GPC5: variants seen among roughly 807,000 people sequenced by gnomAD.
The protein encoded by GPC5 is glypican 5.
A neutral mutation model predicts 53.9 loss-of-function variants in GPC5; 47 were observed. The ratio of observed to expected loss-of-function variants is 0.87; its 90% CI spans 0.69 to 1.11. The LOEUF is 1.11. GPC5 is among the 50% of genes most tolerant of loss of function. GPC5 has a pLI of 0.00. For synonymous variants in GPC5, 286 were observed against 263.3 expected (o/e 1.09, Z -0.84); for missense variants, 748 against 713.1 (o/e 1.05, Z -0.56).
chr13:91,765,210 C>T (rs1264748533), intron 5 of GPC5, among the ~76,000 whole-genome samples: 3 of 152,248 alleles, frequency 2.0e-5, no homozygotes, highest in African/African-American at 7.2e-5. Flanking sequence ...GTCCTTCCAG[C>T]TCCAAGGATC....
At chr13:91,979,506 C>T (rs184463575) in intron 6 of GPC5, among the ~76,000 whole-genome samples, 9 of 152,266 alleles carry the variant, frequency 5.9e-5, no homozygotes, top group East Asian at 1.9e-4. Context: ...TGGGCTATAT[C>T]GACCTTTGAT....
chr13:92,851,251 T>C (rs1019408534), intron 7 of GPC5, among the ~76,000 whole-genome samples: 1 of 152,092 alleles, frequency 6.6e-6, no homozygotes, highest in African/African-American at 2.4e-5. Context: ...CTATTTGACA[T>C]GAGATTTGGA....
intron 2 of GPC5, among the ~76,000 whole-genome samples, chr13:91,602,194 C>T (rs116837504): frequency 1.8e-3 from 274 of 152,298 alleles, no homozygotes; most frequent in African/African-American, 6.2e-3. Context: ...CCGGGCTTTG[C>T]GAGCACCTGA....
At chr13:92,347,252 A>G (rs963688195) in intron 7 of GPC5, among the ~76,000 whole-genome samples, 1 of 152,190 alleles carries the variant, frequency 6.6e-6, no homozygotes, top group Non-Finnish European at 1.5e-5. Context: ...CATAATAATC[A>G]AACTACCAAA....
intron 2 of GPC5, among the ~76,000 whole-genome samples, chr13:91,598,153 A>G (rs1464355259): frequency 1.3e-5 from 2 of 152,142 alleles, no homozygotes; most frequent in Admixed American, 1.3e-4. Context: ...CCTTTAGAAA[A>G]TTCAAAACTT....
chr13:92,780,874 A>AC (rs1876000412), intron 7 of GPC5, among the ~76,000 whole-genome samples: 3 of 152,202 alleles, frequency 2.0e-5, no homozygotes, highest in South Asian at 4.1e-4. Flanking sequence ...TGGAAGCATA[A>AC]AAAATTCCCT....
chr13:92,358,017 A>G (rs1260654084), intron 7 of GPC5, among the ~76,000 whole-genome samples: 6 of 151,736 alleles, frequency 4.0e-5, no homozygotes, highest in Non-Finnish European at 5.9e-5. Flanking sequence ...TCAAAAGTCC[A>G]CAGTCCAGAG....
intron 7 of GPC5, among the ~76,000 whole-genome samples, chr13:92,282,099 T>C (rs564288821): frequency 1.3e-5 from 2 of 152,124 alleles, no homozygotes; most frequent in Non-Finnish European, 2.9e-5. Flanking sequence ...ATGTGACGAA[T>C]GCACAAGCTT....
At chr13:92,563,249 G>T (rs1882752165) in intron 7 of GPC5, among the ~76,000 whole-genome samples, 1 of 151,804 alleles carries the variant, frequency 6.6e-6, no homozygotes, top group African/African-American at 2.4e-5. Context: ...AATAAAATAG[G>T]ATATCGTGAT....
intron 7 of GPC5, among the ~76,000 whole-genome samples, chr13:92,297,268 A>G (rs994712023): frequency 6.6e-6 from 1 of 152,070 alleles, no homozygotes; most frequent in African/African-American, 2.4e-5. Context: ...GAGGACGTGG[A>G]GAACCTTTAT....
intron 7 of GPC5, among the ~76,000 whole-genome samples, chr13:92,745,369 T>C (rs1006563010): frequency 4.6e-5 from 7 of 152,130 alleles, no homozygotes; most frequent in South Asian, 2.1e-4. Flanking sequence ...TTGAAAATGT[T>C]ACATCACATC....
At chr13:92,423,830 C>A (rs1020424692) in intron 7 of GPC5, among the ~76,000 whole-genome samples, 3 of 152,070 alleles carry the variant, frequency 2.0e-5, no homozygotes, top group Non-Finnish European at 4.4e-5. Context: ...TCACTGGCTG[C>A]TAGAAGATTG....
intron 7 of GPC5, among the ~76,000 whole-genome samples, chr13:92,817,787 A>G (rs1304155457): frequency 6.6e-6 from 1 of 152,002 alleles, no homozygotes; most frequent in Non-Finnish European, 1.5e-5. Flanking sequence ...AGTATACTTT[A>G]TATGCCCACT....
At position 91,873,405 on chromosome 13, in the gene GPC5, C is replaced by T. The variant is rs377198162; in HGVS notation, c.1281-34532C>T. Among the ~76,000 whole-genome samples the T allele has an allele frequency of 2.3e-4, 35 of 152,118 alleles. No homozygotes were observed. The South Asian group carries it at 6.6e-3, about 29-fold the overall frequency. ...GCCCAAATCTCATCTTGAATTGTAACCCCCCACAATTCCCACCTGTTGAGG... is the reference window on the plus strand; with the variant it reads ...GCCCAAATCTCATCTTGAATTGTAATCCCCCACAATTCCCACCTGTTGAGG... On this transcript the variant is annotated intron_variant, in intron 5 of 7. Transcript: ENST00000377067.
At chr13:91,565,859 G>C (rs1192839209) in intron 2 of GPC5, among the ~76,000 whole-genome samples, 1 of 152,138 alleles carries the variant, frequency 6.6e-6, no homozygotes, top group African/African-American at 2.4e-5. Context: ...ACTTCTGGAG[G>C]CTCTGAGGAT....
intron 7 of GPC5, among the ~76,000 whole-genome samples, chr13:92,176,005 A>G (rs2042106828): frequency 6.6e-6 from 1 of 152,222 alleles, no homozygotes. Context: ...TCTAGCCAGA[A>G]ACATGCTTTA....
At chr13:92,545,418 CCTT>C (rs1882074626) in intron 7 of GPC5, among the ~76,000 whole-genome samples, 4 of 152,106 alleles carry the variant, frequency 2.6e-5, no homozygotes, top group African/African-American at 9.7e-5. Flanking sequence ...GTTTTATAAT[CCTT>C]TGGGTATATA....
intron 2 of GPC5, among the ~76,000 whole-genome samples, chr13:91,549,286 A>T (rs978892104): frequency 1.3e-5 from 2 of 151,830 alleles, no homozygotes; most frequent in South Asian, 2.1e-4. Flanking sequence ...AAAGGCAAAA[A>T]CTATGAAACT....
intron 7 of GPC5, among the ~76,000 whole-genome samples, chr13:92,816,900 A>G (rs1428462866): frequency 6.6e-6 from 1 of 151,878 alleles, no homozygotes; most frequent in Non-Finnish European, 1.5e-5. Flanking sequence ...CTGTCTCTAT[A>G]TGTCCCAATT....
Sources: gnomAD v4.1 joint callset for allele counts (sites outside exome capture counted in the v4.1 genomes callset) on GRCh38, gnomAD v4.1.1 for gene constraint, MANE v1.5 for transcripts, NCBI Gene and HGNC (gene_info 2026-07-23, HGNC 2026-07-21) for gene names.